The following SHB variants were observed in gnomAD, a reference collection of about 807,000 sequenced individuals.
The protein encoded by SHB is SH2 domain-containing adapter protein B.
SHB carries 20 observed loss-of-function variants against 52.3 expected under a neutral mutation model. The observed-to-expected ratio is 0.38, with a 90% confidence interval of 0.27 to 0.56. The LOEUF (loss-of-function observed/expected upper bound fraction) is 0.56, where lower values mean the gene tolerates loss of function less well. Ranked by LOEUF, SHB falls within the 20% of genes least tolerant of loss-of-function variation. The pLI is 0.71. For synonymous variants in SHB, 397 were observed against 316.5 expected (o/e 1.25, Z -2.70); for missense variants, 825 against 723.3 (o/e 1.14, Z -1.61).
At chr9:38,017,269 T>C (rs1342115942) in intron 1 of SHB, among the ~76,000 whole-genome samples, 2 of 152,164 alleles carry the variant, frequency 1.3e-5, no homozygotes, top group Non-Finnish European at 2.9e-5. Context: ...CTGCTTCTCT[T>C]GGGAGGGGGC....
intron 5 of SHB, among the ~76,000 whole-genome samples, chr9:37,934,062 C>T (rs1036433743): frequency 1.3e-5 from 2 of 152,174 alleles, no homozygotes; most frequent in Non-Finnish European, 2.9e-5. Context: ...AACAGGGTCC[C>T]GTGGGGTCTG....
rs1065373 is a variant in SHB, at chr9:38,068,369, C to G, written c.277G>C (p.Glu93Gln). 1 of 1,571,076 alleles carries G rather than the reference C, an allele frequency of 6.4e-7. No individual in the cohort carries two copies. Among genetic ancestry groups the G allele is most frequent in the Non-Finnish European group, 8.6e-7 (1 of 1,162,522 alleles). Reference protein sequence around the residue: ...AYRAQKERDFEDPYNGPGSSL... With the variant: ...AYRAQKERDFQDPYNGPGSSL... ...GAGCCAGGCCCGTTGTAGGGGTCCTCGAAGTCTCGCTCCTTCTGCGCGCGG... is the reference window on the plus strand; with the variant it reads ...GAGCCAGGCCCGTTGTAGGGGTCCTGGAAGTCTCGCTCCTTCTGCGCGCGG... The change falls in exon 1 of 6, where the codon GAG becomes CAG. Residue 93 changes from glutamate (E) to glutamine (Q), a missense_variant. By Grantham distance (29) the Glu-to-Gln change is conservative. Transcript: ENST00000377707.
At chr9:37,979,771 A>G (rs2117980925) in intron 2 of SHB, among the ~76,000 whole-genome samples, 1 of 152,332 alleles carries the variant, frequency 6.6e-6, no homozygotes, top group Admixed American at 6.5e-5. Context: ...AGTCTGGCCA[A>G]CATGGTGAAA....
rs188617310 is a variant in SHB, at chr9:37,951,190, T to C, written c.1227-2436A>G. On this transcript the variant is annotated intron_variant, in intron 4 of 5. Transcript: ENST00000377707. ...GTCCAGTGGGAATGTGGCCAAGTGG[T>C]GGACAGTCCAGGCAGTGGCCACCAA... Among the ~76,000 whole-genome samples, 560 of 152,304 alleles carry C rather than the reference T, an allele frequency of 3.7e-3. 4 individuals carry two copies. Among genetic ancestry groups the C allele is most frequent in the African/African-American group, 0.013 (532 of 41,576 alleles).
At chr9:38,004,378 C>T (rs1306155757) in intron 2 of SHB, among the ~76,000 whole-genome samples, 4 of 152,056 alleles carry the variant, frequency 2.6e-5, no homozygotes, top group Admixed American at 6.5e-5. Context: ...CTGGGGGCTG[C>T]GTGGGACTCG....
At chr9:37,974,897 T>A (rs1820637114) in intron 2 of SHB, 60 bp from the exon 3 acceptor site, 1 of 1,385,682 alleles carries the variant, frequency 7.2e-7, no homozygotes, top group Non-Finnish European at 1.0e-6. Flanking sequence ...TCACCTGCAT[T>A]CCCACCCAGA....
intron 1 of SHB, among the ~76,000 whole-genome samples, chr9:38,025,655 G>A (rs533254938): frequency 6.6e-6 from 1 of 152,314 alleles, no homozygotes; most frequent in East Asian, 1.9e-4. Flanking sequence ...GTGAAATGAG[G>A]ATGGGGCAAG....
intron 1 of SHB, among the ~76,000 whole-genome samples, chr9:38,053,396 C>T (rs954494849): frequency 2.6e-4 from 39 of 152,146 alleles, no homozygotes; most frequent in South Asian, 2.1e-4. Context: ...TGCCACCACG[C>T]CCAGCTAATT....
chr9:38,066,198 T>C (rs1821958557), intron 1 of SHB, among the ~76,000 whole-genome samples: 1 of 152,242 alleles, frequency 6.6e-6, no homozygotes, highest in Non-Finnish European at 1.5e-5. Flanking sequence ...TCCTTAGTGT[T>C]TGAAACAGTC....
intron 1 of SHB, among the ~76,000 whole-genome samples, chr9:38,020,151 G>A (rs1821264514): frequency 1.3e-5 from 2 of 152,224 alleles, no homozygotes; most frequent in Admixed American, 6.5e-5. Context: ...GACCTTCTCT[G>A]CAATGTTAAA....
At chr9:37,939,163 G>A (rs983365713) in intron 5 of SHB, among the ~76,000 whole-genome samples, 11 of 152,192 alleles carry the variant, frequency 7.2e-5, no homozygotes, top group East Asian at 1.9e-4. Flanking sequence ...TATGTAGGCC[G>A]CCTGCCACTG....
At chr9:38,010,278 A>C (rs1821122666) in intron 2 of SHB, among the ~76,000 whole-genome samples, 1 of 152,206 alleles carries the variant, frequency 6.6e-6, no homozygotes, top group South Asian at 2.1e-4. Context: ...CACACAGGGA[A>C]GCCCTTTGCA....
At chr9:38,047,454 T>C (rs1311094152) in intron 1 of SHB, among the ~76,000 whole-genome samples, 1 of 152,246 alleles carries the variant, frequency 6.6e-6, no homozygotes, top group Admixed American at 6.5e-5. Context: ...AAGGCTTCAC[T>C]GAGCACCTGT....
intron 2 of SHB, among the ~76,000 whole-genome samples, chr9:37,976,938 T>A (rs1486688254): frequency 6.6e-6 from 1 of 152,210 alleles, no homozygotes; most frequent in Non-Finnish European, 1.5e-5. Flanking sequence ...CCGGCTCATG[T>A]GGACACACGC....
chr9:38,066,138 A>G (rs1325628624), intron 1 of SHB, among the ~76,000 whole-genome samples: 1 of 152,218 alleles, frequency 6.6e-6, no homozygotes, highest in Non-Finnish European at 1.5e-5. Flanking sequence ...CTGGTGATGA[A>G]AAGAGTCAAG....
intron 5 of SHB, among the ~76,000 whole-genome samples, chr9:37,934,546 C>T (rs1357976319): frequency 6.6e-6 from 1 of 152,180 alleles, no homozygotes. Context: ...AGTGATCCTC[C>T]TGCCTTGGCC....
chr9:38,001,987 C>T (rs368307010), intron 2 of SHB, among the ~76,000 whole-genome samples: 1 of 51,290 alleles, frequency 1.9e-5, no homozygotes, highest in African/African-American at 5.2e-5. Context: ...GCTCTGAGCA[C>T]AGACTCTTTT....
intron 2 of SHB, among the ~76,000 whole-genome samples, chr9:37,979,965 T>C (rs1041485991): frequency 6.6e-6 from 1 of 152,224 alleles, no homozygotes; most frequent in African/African-American, 2.4e-5. Flanking sequence ...TGCCAAAAAC[T>C]GCTTACAATC....
intron 2 of SHB, among the ~76,000 whole-genome samples, chr9:38,011,502 T>G (rs1410267273): frequency 6.6e-6 from 1 of 152,184 alleles, no homozygotes; most frequent in Non-Finnish European, 1.5e-5. Flanking sequence ...TGGTCTCAGG[T>G]GCTGTCTTTG....
Sources: allele counts gnomAD v4.1 joint callset (sites outside exome capture counted in the v4.1 genomes callset), GRCh38; gene constraint gnomAD v4.1.1; transcripts MANE v1.5; gene names NCBI Gene and HGNC (gene_info 2026-07-23, HGNC 2026-07-21).